CAND2: variants seen among roughly 807,000 people sequenced by gnomAD.
CAND2 encodes cullin associated and neddylation dissociated 2 (putative).
In CAND2, 62 loss-of-function variants were observed where a neutral mutation model predicts 98.9. That is an observed-to-expected ratio of 0.63 (90% confidence interval 0.51 to 0.77). The LOEUF is 0.77. Among genes scored for constraint, CAND2 ranks in the 30% least tolerant of loss-of-function variants. The pLI is 0.00. For missense variants in CAND2, 1,501 were observed against 1,655.2 expected, an observed-to-expected ratio of 0.91 and a Z score of 1.62; for synonymous variants, 770 against 731.9, an observed-to-expected ratio of 1.05 and a Z score of -0.84.
intron 2 of CAND2, among the ~76,000 whole-genome samples, chr3:12,805,741 A>G (rs1028981635): frequency 1.3e-4 from 20 of 152,226 alleles, no homozygotes; most frequent in Non-Finnish European, 1.9e-4. Flanking sequence ...CTATGTATAA[A>G]ATGAAATTTT....
intron 2 of CAND2, 94 bp downstream of exon 2, chr3:12,803,725 A>G: frequency 8.5e-7 from 1 of 1,170,334 alleles, no homozygotes. Flanking sequence ...AGCCTCGCAG[A>G]GGAGACCTGC....
rs1191357592 is a variant in CAND2, at chr3:12,817,650, T to G, written c.2718T>G (p.Ala906=). The G allele has an allele frequency of 6.2e-7, 1 of 1,612,586 alleles. No individual in the cohort carries two copies. Among genetic ancestry groups the G allele is most frequent in the East Asian group, 2.2e-5 (1 of 44,894 alleles). The part of the protein sequence containing the change: ...FLPFLLEQIE[A]EPRRQYLLLH... ...CCTTCCTGCTGGAGCAGATCGAGGC[T>G]GAGCCCCGACGACAGTACCTGCTGC... Residue 906 remains alanine, a synonymous_variant, in exon 10 of 15, where the codon GCT becomes GCG. Transcript: ENST00000456430.
chr3:12,815,172 C>G lies in CAND2; in HGVS notation c.1038C>G (p.Asp346Glu). The change falls in exon 8 of 15, where the codon GAC (aspartate) becomes GAG (glutamate). Residue 346 changes from aspartate to glutamate, a missense_variant. By Grantham distance (45) the Asp-to-Glu change is conservative (BLOSUM62 2). Coordinates refer to ENST00000456430, the MANE Select transcript of CAND2 (RefSeq NM_001162499.2). This position sits in a 1 kb window ranked among gnomAD's most constrained non-coding sequence, Gnocchi z 5.7. ...ESEDEYSDDD[D>E]MSWKVRRAAA... ...AAGACGAGTACAGCGATGACGATGACATGAGCTGGAAGGTGCGCCGGGCAG... is the reference window on the plus strand; with the variant it reads ...AAGACGAGTACAGCGATGACGATGAGATGAGCTGGAAGGTGCGCCGGGCAG... The G allele has an allele frequency of 6.2e-7, 1 of 1,612,744 alleles. No individual in the cohort carries two copies. The highest frequency in any genetic ancestry group is 2.2e-5 in the East Asian group (1 of 44,842).
chr3:12,803,673 T>A, intron 2 of CAND2, 42 bp downstream of exon 2: 1 of 1,535,760 alleles, frequency 6.5e-7, no homozygotes, highest in Admixed American at 1.9e-5. Flanking sequence ...GGGCCCTACC[T>A]TGTGTGGGAG....
chr3:12,799,103 T>C (rs376738931), intron 1 of CAND2, among the ~76,000 whole-genome samples: 1 of 152,202 alleles, frequency 6.6e-6, no homozygotes, highest in Admixed American at 6.5e-5. Flanking sequence ...CACAGTAGTA[T>C]TATTGGTTGA....
chr3:12,827,544 G>A lies in CAND2; in HGVS notation c.3315G>A (p.Leu1105=), dbSNP rs1490542370. ...TGCTTGAGAGCTGCCTGGGCCAGCTGGATATCTGTGAGTTCCTGAACCATG... is the reference window on the plus strand; with the variant it reads ...TGCTTGAGAGCTGCCTGGGCCAGCTAGATATCTGTGAGTTCCTGAACCATG... ...YSLLESCLGQ[L]DICEFLNHVE... is the part of the protein sequence containing the mutation. The change falls in exon 13 of 15, where the codon CTG becomes CTA. Residue 1105 remains leucine, a synonymous_variant. Transcript: ENST00000456430. 2 of 1,613,928 alleles carry A rather than the reference G, an allele frequency of 1.2e-6. No homozygotes were observed. Among genetic ancestry groups the A allele is most frequent in the Non-Finnish European group, 1.7e-6 (2 of 1,179,992 alleles).
At chr3:12,809,703 C>G (rs530076899) in intron 4 of CAND2, among the ~76,000 whole-genome samples, 6 of 152,066 alleles carry the variant, frequency 3.9e-5, no homozygotes, top group Admixed American at 1.3e-4. Flanking sequence ...TTATACTGCT[C>G]TGGTCTCAGC....
rs768095823 is a variant in CAND2 at position 12,817,192 on chromosome 3, C to T, written c.2260C>T (p.Leu754=). 17 of 1,613,264 alleles carry T rather than the reference C, an allele frequency of 1.1e-5. No individual in the cohort carries two copies. The East Asian group carries it at 3.8e-4, about 36-fold the overall frequency. The change falls in exon 10 of 15, where the codon CTG becomes TTG. Residue 754 remains leucine (L), a synonymous_variant. Transcript: ENST00000456430. ...TTCGCCCCTGTTGCCAGCCGGGGTT[C>T]TGGCAGCTGCTGAAGGCTTCCTGCA... The part of the protein sequence containing the change: ...LRSPLLPAGV[L]AAAEGFLQAL...
intron 1 of CAND2, among the ~76,000 whole-genome samples, chr3:12,800,597 A>G (rs2124831999): frequency 6.6e-6 from 1 of 152,272 alleles, no homozygotes; most frequent in African/African-American, 2.4e-5. Context: ...CCTAGTGGGG[A>G]CCAGGTGAAC....
intron 2 of CAND2, among the ~76,000 whole-genome samples, chr3:12,806,432 A>G (rs925810611): frequency 6.6e-6 from 1 of 152,238 alleles, no homozygotes; most frequent in Non-Finnish European, 1.5e-5. Context: ...GCTGGGGCAG[A>G]GGATGAGACT....
chr3:12,813,166 T>C lies in CAND2; in HGVS notation c.863+71T>C. 3.8e-6 allele frequency: 6 copies of C among 1,582,728 alleles called. No individual in the cohort carries two copies. In the African/African-American group the frequency reaches 8.1e-5, roughly 21 times the overall value. On this transcript the variant is annotated intron_variant, in intron 6 of 14. Transcript: ENST00000456430. ...GGGATGCTGGCCCAAAGCAGTAAAA[T>C]TTCAGGACTCCCATTGGGCCCTGTC...
At chr3:12,824,358 G>C (rs761923572) in intron 11 of CAND2, among the ~76,000 whole-genome samples, 12 of 152,142 alleles carry the variant, frequency 7.9e-5, no homozygotes, top group Non-Finnish European at 1.6e-4. Context: ...GTGGAGACTG[G>C]GAGGTCCAAG....
In CAND2 at chr3:12,810,064, G is replaced by T. The variant is rs920799682; in HGVS notation, c.497G>T (p.Gly166Val). 2.1e-6 allele frequency: 3 copies of T among 1,424,990 alleles called. No homozygotes were observed. The highest frequency in any genetic ancestry group is 2.8e-6 in the Non-Finnish European group (3 of 1,090,220). The allele number at this position is 1,424,990 out of a possible 1,614,324, so 88.3% of individuals were successfully genotyped here. ...DILSDMLSRL[G>V]VPLGAFHASL... is the part of the protein sequence containing the mutation. ...TGCCCCCTCGTGCTCCCCAGGCTGG[G>T]TGTCCCGCTGGGCGCCTTCCACGCC... The change falls in exon 5 of 15, where the codon GGT becomes GTT. Residue 166 changes from glycine (G) to valine (V), a missense_variant. Around this residue, in one of 3 missense-constraint regions of CAND2, gnomAD observed 1,427 missense variants for 1,545.3 expected, o/e 0.92. Transcript: ENST00000456430.
Position 12,827,624 on chromosome 3 carries a change from C to T in CAND2, c.3375+20C>T, listed in dbSNP as rs1346012011. The T allele has an allele frequency of 6.3e-7, 1 of 1,591,848 alleles. No individual in the cohort carries two copies. Among genetic ancestry groups the T allele is most frequent in the Non-Finnish European group, 8.6e-7 (1 of 1,166,700 alleles). On this transcript the variant is annotated intron_variant, in intron 13 of 14. Transcript: ENST00000456430. ...ATCCGGGTAAGACCAAGCCCCCTGC[C>T]AGATCTATGTGCCCCTGTACCAAGG...
chr3:12,813,965 C>T (rs1219443325), intron 7 of CAND2, among the ~76,000 whole-genome samples: 2 of 152,132 alleles, frequency 1.3e-5, no homozygotes, highest in Non-Finnish European at 2.9e-5. Flanking sequence ...GGCAGGGCAT[C>T]GATGGAGACG....
chr3:12,816,734 A>C lies in CAND2; in HGVS notation c.1802A>C (p.His601Pro). ...AISCMGHLVG[H>P]LGDRLGDDLE... ...TCCTGCATGGGCCACCTTGTAGGCC[A>C]CCTGGGTGACCGGCTTGGGGATGAC... The change falls in exon 10 of 15, where the codon CAC (histidine) becomes CCC (proline). Residue 601 changes from histidine (H) to proline (P), a missense_variant. This residue lies in a region of CAND2 where 1,427 missense variants were observed against 1,545.3 expected (regional missense o/e 0.92). Coordinates refer to ENST00000456430, the MANE Select transcript of CAND2 (RefSeq NM_001162499.2). The C allele has an allele frequency of 6.2e-7, 1 of 1,613,620 alleles. No individual in the cohort carries two copies. The highest frequency in any genetic ancestry group is 8.5e-7 in the Non-Finnish European group (1 of 1,180,020).
intron 1 of CAND2, among the ~76,000 whole-genome samples, chr3:12,802,201 C>T (rs2061771594): frequency 6.6e-6 from 1 of 152,232 alleles, no homozygotes; most frequent in Non-Finnish European, 1.5e-5. Flanking sequence ...GTGGCCGGCA[C>T]CTGTAGTCCC....
At position 12,816,388 on chromosome 3, in the gene CAND2, C is replaced by T. The variant is rs1436504882; in HGVS notation, c.1456C>T (p.Leu486=). Residue 486 remains leucine, a synonymous_variant, in exon 10 of 15, where the codon CTG becomes TTG. Transcript: ENST00000456430. ...PVLVSGIIFS[L]ADRSSSSTIR... is the part of the protein sequence containing the mutation. ...TCACCCTGCAGGCATCATCTTCTCGCTGGCCGACCGCTCCAGCTCCTCCAC... is the reference window on the plus strand; with the variant it reads ...TCACCCTGCAGGCATCATCTTCTCGTTGGCCGACCGCTCCAGCTCCTCCAC... 1 of 1,611,180 alleles carries T rather than the reference C, an allele frequency of 6.2e-7. No homozygotes were observed. The highest frequency in any genetic ancestry group is 8.5e-7 in the Non-Finnish European group (1 of 1,178,706).
In CAND2 at chr3:12,827,482, G is replaced by C. The variant is rs1247844008; in HGVS notation, c.3253G>C (p.Asp1085His). The change falls in exon 13 of 15, where the codon GAC becomes CAC. Residue 1085 changes from aspartate to histidine, a missense_variant. By Grantham distance (81) the Asp-to-His change is moderately conservative. Coordinates refer to ENST00000456430, the MANE Select transcript of CAND2 (RefSeq NM_001162499.2). ...TAAACATACAGTGGACGATGGGCTG[G>C]ACGTGCGGAAGGCGGCCTTTGAATG... ...PFKHTVDDGL[D>H]VRKAAFECMY... 6.2e-7 allele frequency: 1 copy of C among 1,614,020 alleles called. No individual in the cohort carries two copies. The highest frequency in any genetic ancestry group is 8.5e-7 in the Non-Finnish European group (1 of 1,180,022).
Sources: gnomAD v4.1 joint callset for allele counts (sites outside exome capture counted in the v4.1 genomes callset) on GRCh38, gnomAD v4.1.1 for gene constraint, gnomAD v4.1.1 regional missense constraint, Gnocchi (gnomAD v3.1) non-coding constraint, MANE v1.5 for transcripts, NCBI Gene and HGNC (gene_info 2026-07-23, HGNC 2026-07-21) for gene names.